The following NBAS variants were observed in gnomAD, a reference collection of about 807,000 sequenced individuals.
NBAS encodes the protein NAG/BC035112 fusion.
A neutral mutation model predicts 302.5 loss-of-function variants in NBAS; 219 were observed. The observed-to-expected ratio is 0.72, with a 90% CI of 0.65 to 0.81. NBAS has a LOEUF of 0.81. Among genes scored for constraint, NBAS ranks in the 30% least tolerant of loss-of-function variants. The pLI, the probability that NBAS is intolerant of heterozygous loss-of-function variation, is 0.00. For missense variants in NBAS, 2,932 were observed against 2,841.6 expected, an observed-to-expected ratio of 1.03 and a Z score of -0.72; for synonymous variants, 1,118 against 1,021.6, an observed-to-expected ratio of 1.09 and a Z score of -1.80.
At chr2:15,101,286 CA>C in the NBAS span, among the ~76,000 whole-genome samples, 1 of 151,812 alleles carries the variant, frequency 6.6e-6, no homozygotes, top group South Asian at 2.1e-4. Flanking sequence ...TTAATAATTC[CA>C]GGGGCAGTAA....
the NBAS span, among the ~76,000 whole-genome samples, chr2:14,814,208 G>A: frequency 3.3e-5 from 5 of 152,196 alleles, no homozygotes; most frequent in Admixed American, 6.5e-5. Flanking sequence ...GTTGGAGCCC[G>A]CACATAGAGT....
intron 44 of NBAS, among the ~76,000 whole-genome samples, chr2:15,254,095 T>A (rs557415019): frequency 6.6e-6 from 1 of 152,218 alleles, no homozygotes; most frequent in African/African-American, 2.4e-5. Context: ...CTCCAATTAC[T>A]CCTGCAGATA....
chr2:14,942,335 A>T, the NBAS span, among the ~76,000 whole-genome samples: 394 of 152,252 alleles, frequency 2.6e-3, 2 homozygotes, highest in Non-Finnish European at 3.8e-3. Context: ...TGGATTTCTC[A>T]TGAGTAGTTT....
At chr2:15,244,394 A>G (rs1667996394) in intron 44 of NBAS, among the ~76,000 whole-genome samples, 1 of 152,058 alleles carries the variant, frequency 6.6e-6, no homozygotes, top group South Asian at 2.1e-4. Flanking sequence ...CATGGAGAAC[A>G]AAGGATAACA....
the NBAS span, among the ~76,000 whole-genome samples, chr2:14,938,177 T>C: frequency 1.3e-5 from 2 of 152,088 alleles, no homozygotes. Context: ...GTAAATGCAG[T>C]AGTACTTAAC....
At chr2:15,069,995 A>C in the NBAS span, among the ~76,000 whole-genome samples, 5 of 151,428 alleles carry the variant, frequency 3.3e-5, no homozygotes, top group South Asian at 2.1e-4. Flanking sequence ...TTTGGTCAGA[A>C]CCCCCCCACC....
Position 15,394,222 on chromosome 2 carries a change from C to T in NBAS, c.3257+5G>A. On this transcript the variant is annotated splice_donor_5th_base_variant and intron_variant, in intron 28 of 51. Transcript: ENST00000281513. Reference sequence around the variant, plus strand: ...ACCCAAGTATCAATTAATTTTATTACTCACTTCCGGCCAGTGTGCCTCGTC... The same window carrying T: ...ACCCAAGTATCAATTAATTTTATTATTCACTTCCGGCCAGTGTGCCTCGTC... 1 of 1,592,622 alleles carries T rather than the reference C, an allele frequency of 6.3e-7. No individual in the cohort carries two copies. The highest frequency in any genetic ancestry group is 1.1e-5 in the South Asian group (1 of 88,722).
At chr2:15,122,111 C>T in the NBAS span, among the ~76,000 whole-genome samples, 1,145 of 149,548 alleles carry the variant, frequency 7.7e-3, 14 homozygotes, top group Middle Eastern at 0.035. Context: ...TGGGGTATGA[C>T]GGATGGAGGA....
intron 9 of NBAS, among the ~76,000 whole-genome samples, chr2:15,515,422 G>A (rs1662342769): frequency 6.6e-6 from 1 of 152,166 alleles, no homozygotes; most frequent in Admixed American, 6.5e-5. Flanking sequence ...GCGTGGTGGT[G>A]CATGCCTGTA....
chr2:14,860,784 G>A, the NBAS span, among the ~76,000 whole-genome samples: 1 of 152,132 alleles, frequency 6.6e-6, no homozygotes, highest in Non-Finnish European at 1.5e-5. Context: ...GATCAATAGG[G>A]TGAGTATAAT....
At chr2:15,204,356 G>A (rs1301792099) in intron 48 of NBAS, among the ~76,000 whole-genome samples, 1 of 152,090 alleles carries the variant, frequency 6.6e-6, no homozygotes, top group African/African-American at 2.4e-5. Flanking sequence ...ACTCTACCCA[G>A]TAATTTCAAA....
At chr2:15,121,954 G>A in the NBAS span, among the ~76,000 whole-genome samples, 2 of 152,058 alleles carry the variant, frequency 1.3e-5, no homozygotes, top group Non-Finnish European at 2.9e-5. Flanking sequence ...TCTGAGAAAG[G>A]GTCCATAGGC....
At chr2:15,289,946 G>A (rs1424973342) in intron 41 of NBAS, among the ~76,000 whole-genome samples, 2 of 152,010 alleles carry the variant, frequency 1.3e-5, no homozygotes, top group African/African-American at 4.8e-5. Flanking sequence ...GTGGTGAGCT[G>A]AGATCGTGCC....
the NBAS span, among the ~76,000 whole-genome samples, chr2:14,944,818 C>A: frequency 6.6e-6 from 1 of 152,106 alleles, no homozygotes; most frequent in South Asian, 2.1e-4. Flanking sequence ...TGCCCAGCAC[C>A]AAGTGAGCAG....
the NBAS span, among the ~76,000 whole-genome samples, chr2:14,857,932 G>T: frequency 1.3e-5 from 2 of 151,994 alleles, no homozygotes; most frequent in African/African-American, 4.8e-5. Flanking sequence ...CTCTGACAGG[G>T]GATTAATAAC....
chr2:15,326,222 T>C (rs1672056919), intron 38 of NBAS, among the ~76,000 whole-genome samples: 1 of 152,208 alleles, frequency 6.6e-6, no homozygotes, highest in South Asian at 2.1e-4. Flanking sequence ...ATGAGCAGTG[T>C]TGAAAAAATG....
rs752451535 is a variant in NBAS, at chr2:15,489,018, C to T, written c.959G>A (p.Gly320Glu). The T allele has an allele frequency of 2.5e-6, 4 of 1,613,162 alleles. No individual in the cohort carries two copies. In the African/African-American group the frequency reaches 4.0e-5, roughly 16 times the overall value. Residue 320 changes from glycine (G) to glutamate (E), a missense_variant, in exon 12 of 52, where the codon GGA becomes GAA. By Grantham distance (98) the Gly-to-Glu change is moderately conservative (BLOSUM62 -2). Coordinates refer to ENST00000281513, the MANE Select transcript of NBAS (RefSeq NM_015909.4). ...TGGAGAAAGGCTCATCTTAAAAATT[C>T]CATCCTAAATAAGAATCATAAGGTC... ...FYSRQGQEQD[G>E]IFKMSLSPDG...
chr2:15,011,962 C>T, the NBAS span, among the ~76,000 whole-genome samples: 1 of 152,164 alleles, frequency 6.6e-6, no homozygotes, highest in Non-Finnish European at 1.5e-5. Flanking sequence ...GAAGAGGCAA[C>T]TGTTCCATCA....
intron 35 of NBAS, among the ~76,000 whole-genome samples, chr2:15,341,402 G>GAACA (rs1672844952): frequency 6.8e-6 from 1 of 148,134 alleles, no homozygotes; most frequent in Admixed American, 6.7e-5. Context: ...ATAAATAAAT[G>GAACA]AATAAATAAA....
Sources: gnomAD v4.1 joint callset for allele counts (sites outside exome capture counted in the v4.1 genomes callset) on GRCh38, gnomAD v4.1.1 for gene constraint, MANE v1.5 for transcripts, NCBI Gene and HGNC (gene_info 2026-07-23, HGNC 2026-07-21) for gene names.